Variants in ADAM2 observed in about 807,000 individuals in gnomAD.
The protein encoded by ADAM2 is ADAM metallopeptidase domain 2.
ADAM2 carries 101 observed loss-of-function variants against 99.3 expected under a neutral mutation model. The observed-to-expected ratio is 1.02, with a 90% confidence interval of 0.87 to 1.20. The LOEUF (loss-of-function observed/expected upper bound fraction) is 1.20, where lower values mean the gene tolerates loss of function less well. Among genes scored for constraint, ADAM2 ranks in the 50% most tolerant of loss-of-function variants. The probability of loss-of-function intolerance (pLI) is 0.00; values close to 1 mark genes in which losing one functional copy is unlikely to be tolerated. For missense variants in ADAM2, 948 were observed against 878.7 expected, an observed-to-expected ratio of 1.08 and a Z score of -1.00; for synonymous variants, 323 against 287.6, an observed-to-expected ratio of 1.12 and a Z score of -1.25.
chr8:39,795,501 A>C (rs1803901018), intron 7 of ADAM2, among the ~76,000 whole-genome samples: 1 of 152,086 alleles, frequency 6.6e-6, no homozygotes, highest in Non-Finnish European at 1.5e-5. Context: ...TTCTATTGAT[A>C]ACTCCTTCAA....
intron 7 of ADAM2, among the ~76,000 whole-genome samples, chr8:39,801,676 C>A (rs1804219535): frequency 6.6e-6 from 1 of 151,394 alleles, no homozygotes; most frequent in South Asian, 2.1e-4. Flanking sequence ...GGGGCTCAGG[C>A]TCAGGGACAT....
At chr8:39,797,849 T>A (rs1804035256) in intron 7 of ADAM2, among the ~76,000 whole-genome samples, 1 of 152,250 alleles carries the variant, frequency 6.6e-6, no homozygotes, top group African/African-American at 2.4e-5. Flanking sequence ...GTTTGCCTAT[T>A]GTTGGTATAA....
intron 20 of ADAM2, 150 bp from the exon 21 acceptor site, chr8:39,744,214 A>G (rs1823352501): frequency 6.6e-6 from 1 of 152,188 alleles, no homozygotes; most frequent in Admixed American, 6.5e-5. Context: ...ATGCTAAAGA[A>G]GTAAAATTAA....
At chr8:39,814,487 G>A (rs1307505977) in intron 6 of ADAM2, among the ~76,000 whole-genome samples, 2 of 152,118 alleles carry the variant, frequency 1.3e-5, no homozygotes, top group Non-Finnish European at 2.9e-5. Flanking sequence ...GGTTGCCTTG[G>A]CCAAATAAAG....
chr8:39,774,318 G>A (rs934213055), intron 11 of ADAM2, among the ~76,000 whole-genome samples: 20 of 151,848 alleles, frequency 1.3e-4, no homozygotes, highest in Admixed American at 1.3e-4. Flanking sequence ...TAAGCACTGC[G>A]ATAAGGCAAG....
chr8:39,791,449 TA>T (rs1261090581), intron 7 of ADAM2, among the ~76,000 whole-genome samples: 1 of 152,068 alleles, frequency 6.6e-6, no homozygotes, highest in Non-Finnish European at 1.5e-5. Flanking sequence ...CTCAGCTTGT[TA>T]GGATTCTGCT....
intron 6 of ADAM2, among the ~76,000 whole-genome samples, chr8:39,812,911 T>A (rs1362631704): frequency 6.6e-6 from 1 of 152,138 alleles, no homozygotes; most frequent in East Asian, 1.9e-4. Flanking sequence ...AAGCCAAAAT[T>A]GTCAAATGGG....
intron 6 of ADAM2, among the ~76,000 whole-genome samples, chr8:39,809,970 T>G (rs1804625400): frequency 6.6e-6 from 1 of 152,148 alleles, no homozygotes. Context: ...ATGCTCCAAT[T>G]AAAAGACACA....
Position 39,812,825 on chromosome 8 carries a change from AAC to A in ADAM2, c.514-3361_514-3360del, listed in dbSNP as rs201200834. ...TAAAACCATGAAAACCCTAGAAGAA[AAC>A]CTAGGCAATACCATTCAGGACATAG... On this transcript the variant is annotated intron_variant, in intron 6 of 20. Transcript: ENST00000265708. Among the ~76,000 whole-genome samples the A allele has an allele frequency of 1.8e-3, 276 of 152,284 alleles. 12 individuals are homozygous for A. In the East Asian group the frequency reaches 0.047, roughly 26 times the overall value.
chr8:39,769,949 T>TC (rs1301711597), intron 11 of ADAM2, among the ~76,000 whole-genome samples: 2 of 91,206 alleles, frequency 2.2e-5, no homozygotes, highest in Non-Finnish European at 4.5e-5. Flanking sequence ...TTTTCTTTTT[T>TC]CTTTTTTTTT....
At chr8:39,819,557 T>TTGGTAAAGCTC (rs1805093098) in intron 6 of ADAM2, among the ~76,000 whole-genome samples, 1 of 152,098 alleles carries the variant, frequency 6.6e-6, no homozygotes, top group South Asian at 2.1e-4. Context: ...AACATTTAAG[T>TTGGTAAAGCTC]TGGTAAAGCT....
chr8:39,767,924 A>ACACACT (rs1198491003), intron 12 of ADAM2, among the ~76,000 whole-genome samples: 5 of 150,550 alleles, frequency 3.3e-5, no homozygotes, highest in Non-Finnish European at 7.4e-5. Flanking sequence ...ACACACACAC[A>ACACACT]CTCACATTTT....
chr8:39,752,714 T>C (rs551400137), intron 16 of ADAM2, among the ~76,000 whole-genome samples: 1 of 152,072 alleles, frequency 6.6e-6, no homozygotes, highest in Non-Finnish European at 1.5e-5. Context: ...TGGGAGGTAA[T>C]TGAATTATGG....
At chr8:39,748,737 G>A (rs1318020792) in intron 18 of ADAM2, among the ~76,000 whole-genome samples, 1 of 152,122 alleles carries the variant, frequency 6.6e-6, no homozygotes, top group African/African-American at 2.4e-5. Flanking sequence ...GAATCACTAA[G>A]TAATATCTGG....
chr8:39,750,877 A>C (rs934417306), intron 16 of ADAM2, among the ~76,000 whole-genome samples: 2 of 152,164 alleles, frequency 1.3e-5, no homozygotes, highest in Non-Finnish European at 2.9e-5. Flanking sequence ...TGTTTAATGC[A>C]CTCATACAAA....
chr8:39,837,051 A>G, intron 2 of ADAM2, 85 bp downstream of exon 2: 1 of 1,054,024 alleles, frequency 9.5e-7, no homozygotes, highest in Non-Finnish European at 1.4e-6. Flanking sequence ...ACAGGTGTGC[A>G]TGAATGAAAA....
chr8:39,795,551 C>G (rs1351048405), intron 7 of ADAM2, among the ~76,000 whole-genome samples: 2 of 152,052 alleles, frequency 1.3e-5, no homozygotes, highest in Admixed American at 6.6e-5. Flanking sequence ...TACCTATGAC[C>G]TGGAAGAACC....
intron 10 of ADAM2, among the ~76,000 whole-genome samples, chr8:39,781,375 T>C (rs1803225742): frequency 6.6e-6 from 1 of 152,176 alleles, no homozygotes; most frequent in Non-Finnish European, 1.5e-5. Context: ...GAAGTTCTTT[T>C]CAGCAAGTTT....
At chr8:39,752,166 G>A (rs1198806069) in intron 16 of ADAM2, among the ~76,000 whole-genome samples, 6 of 152,108 alleles carry the variant, frequency 3.9e-5, no homozygotes. Flanking sequence ...CTCCTCCAGT[G>A]GCCACCAATG....
Sources: allele counts gnomAD v4.1 joint callset (sites outside exome capture counted in the v4.1 genomes callset), GRCh38; gene constraint gnomAD v4.1.1; transcripts MANE v1.5; gene names NCBI Gene and HGNC (gene_info 2026-07-23, HGNC 2026-07-21).